Variants in TMEFF2 observed in about 807,000 individuals in gnomAD.
The protein encoded by TMEFF2 is transmembrane protein with EGF like and two follistatin like domains 2, also known as tomoregulin-2.
A neutral mutation model predicts 53.8 loss-of-function variants in TMEFF2; 28 were observed. The observed-to-expected ratio is 0.52, with a 90% CI of 0.39 to 0.71. The LOEUF (loss-of-function observed/expected upper bound fraction) is 0.71, where lower values mean the gene tolerates loss of function less well. TMEFF2 is among the 30% of genes least tolerant of loss of function. TMEFF2 has a pLI of 0.00. For synonymous variants in TMEFF2, 162 were observed against 166.3 expected, an observed-to-expected ratio of 0.97 and a Z score of 0.20; for missense variants, 353 against 455.2, an observed-to-expected ratio of 0.78 and a Z score of 2.04.
At chr2:192,081,834 C>T (rs1688561495) in intron 4 of TMEFF2, among the ~76,000 whole-genome samples, 1 of 144,270 alleles carries the variant, frequency 6.9e-6, no homozygotes, top group African/African-American at 2.6e-5. Context: ...TGGAGTCTCG[C>T]TCTGTCACCT....
intron 4 of TMEFF2, among the ~76,000 whole-genome samples, chr2:192,135,421 A>C (rs1689976247): frequency 6.6e-6 from 1 of 152,070 alleles, no homozygotes; most frequent in Non-Finnish European, 1.5e-5. Context: ...AATTCATACA[A>C]AACCGTATCC....
At chr2:192,122,309 C>G (rs1209882811) in intron 4 of TMEFF2, among the ~76,000 whole-genome samples, 2 of 152,130 alleles carry the variant, frequency 1.3e-5, no homozygotes, top group Admixed American at 6.6e-5. Context: ...AGGACTTACT[C>G]CAACAGGAAA....
intron 5 of TMEFF2, among the ~76,000 whole-genome samples, chr2:192,055,774 CAAAAA>C (rs71405038): frequency 2.4e-5 from 1 of 42,506 alleles, no homozygotes; most frequent in African/African-American, 8.1e-5. Flanking sequence ...GACTCCATCT[CAAAAA>C]AAAAAAAAAA....
chr2:191,964,194 C>G (rs1692348752), intron 7 of TMEFF2, among the ~76,000 whole-genome samples: 1 of 151,702 alleles, frequency 6.6e-6, no homozygotes, highest in Admixed American at 6.6e-5. Flanking sequence ...AATTTCCTTC[C>G]TTTCTCTTTC....
intron 5 of TMEFF2, among the ~76,000 whole-genome samples, chr2:192,006,841 G>A (rs1424810082): frequency 2.0e-5 from 3 of 152,130 alleles, no homozygotes; most frequent in East Asian, 3.8e-4. Context: ...CTAGGTAGTC[G>A]CTGTTGTCAA....
At chr2:192,078,028 A>C (rs1688473846) in intron 4 of TMEFF2, among the ~76,000 whole-genome samples, 1 of 152,124 alleles carries the variant, frequency 6.6e-6, no homozygotes, top group East Asian at 1.9e-4. Context: ...CTTTTTTTAA[A>C]AAGCAAAAAT....
chr2:192,011,755 A>G (rs1251713167), intron 5 of TMEFF2, among the ~76,000 whole-genome samples: 1 of 152,202 alleles, frequency 6.6e-6, no homozygotes, highest in Non-Finnish European at 1.5e-5. Flanking sequence ...CAATGTATAT[A>G]TTATATATAG....
At chr2:191,991,405 A>G (rs1442355598) in intron 7 of TMEFF2, among the ~76,000 whole-genome samples, 1 of 152,104 alleles carries the variant, frequency 6.6e-6, no homozygotes, top group African/African-American at 2.4e-5. Flanking sequence ...TTCAGACCAA[A>G]AGGAAAGTAA....
At chr2:192,167,847 A>G (rs1229704009) in intron 4 of TMEFF2, among the ~76,000 whole-genome samples, 3 of 152,144 alleles carry the variant, frequency 2.0e-5, no homozygotes, top group Admixed American at 2.0e-4. Flanking sequence ...CATAGTTAGC[A>G]ATTACTGGGA....
chr2:192,000,166 G>A lies in TMEFF2; in HGVS notation c.537-958C>T, dbSNP rs76248336. Reference sequence around the variant, plus strand: ...GGTGTATGTGTACAACCATGTTACAGCTTTAGAATATAAACTCATATTTTA... The same window carrying A: ...GGTGTATGTGTACAACCATGTTACAACTTTAGAATATAAACTCATATTTTA... On this transcript the variant is annotated intron_variant, in intron 5 of 9. Coordinates refer to ENST00000272771, the MANE Select transcript of TMEFF2 (RefSeq NM_016192.4). 2.1e-3 allele frequency among the ~76,000 whole-genome samples: 315 copies of A among 152,044 alleles called. 7 individuals carry two copies. In the East Asian group the frequency reaches 0.055, roughly 27 times the overall value.
intron 7 of TMEFF2, among the ~76,000 whole-genome samples, chr2:191,985,524 T>G (rs1178076350): frequency 1.3e-5 from 2 of 152,186 alleles, no homozygotes; most frequent in Non-Finnish European, 2.9e-5. Flanking sequence ...TAGTCTGTTT[T>G]CACAAGACAT....
intron 5 of TMEFF2, among the ~76,000 whole-genome samples, chr2:192,007,799 G>A (rs141872348): frequency 6.6e-6 from 1 of 152,240 alleles, no homozygotes; most frequent in African/African-American, 2.4e-5. Context: ...TAGGTATAGA[G>A]ACAAGGAAGG....
At chr2:192,064,269 T>C (rs1490019948) in intron 4 of TMEFF2, among the ~76,000 whole-genome samples, 1 of 151,788 alleles carries the variant, frequency 6.6e-6, no homozygotes, top group African/African-American at 2.4e-5. Flanking sequence ...TCATGAAAAA[T>C]TTACTAACTT....
At position 191,949,426 on chromosome 2, in the gene TMEFF2, C is replaced by CTATATACTA. The variant is rs1253306304; in HGVS notation, c.*876_*884dup. 1 of 985,262 alleles carries CTATATACTA rather than the reference C, an allele frequency of 1.0e-6. No individual in the cohort carries two copies. Among genetic ancestry groups the CTATATACTA allele is most frequent in the African/African-American group, 1.7e-5 (1 of 57,232 alleles). 61.0% of individuals were successfully genotyped at this position (985,262 alleles called of 1,614,324 possible). ...GTGATTCTAACTTCTTTTCAAAGAA[C>CTATATACTA]TATATACTATACATATTGTATGGTG... On this transcript the variant is annotated 3_prime_UTR_variant, in exon 10 of 10. Transcript: ENST00000272771.
chr2:191,949,210 C>CAA lies in TMEFF2; in HGVS notation c.*1099_*1100dup, dbSNP rs912233216. 2.0e-6 allele frequency: 2 copies of CAA among 985,260 alleles called. No individual in the cohort carries two copies. The highest frequency in any genetic ancestry group is 3.5e-5 in the African/African-American group (2 of 57,218). 61.0% of individuals were successfully genotyped at this position (985,260 alleles called of 1,614,324 possible). ...GTGATACCTATTTGTATGCACAAATCAAACAAAAATCCATACCAACTTCCC... is the reference window on the plus strand; with the variant it reads ...GTGATACCTATTTGTATGCACAAATCAAAAACAAAAATCCATACCAACTTCCC... On this transcript the variant is annotated 3_prime_UTR_variant, in exon 10 of 10. Transcript: ENST00000272771.
chr2:192,038,573 C>T (rs1331075468), intron 5 of TMEFF2, among the ~76,000 whole-genome samples: 2 of 151,952 alleles, frequency 1.3e-5, no homozygotes, highest in Admixed American at 6.6e-5. Flanking sequence ...TCACTGCAGC[C>T]TCTGCCTTCC....
rs533109969 is a variant in TMEFF2 at position 192,108,770 on chromosome 2, G to A, written c.440-50995C>T. Among the ~76,000 whole-genome samples, 77 of 151,962 alleles carry A rather than the reference G, an allele frequency of 5.1e-4. 1 individual carries two copies. The highest frequency in any genetic ancestry group is 3.0e-3 in the Admixed American group (45 of 15,234). On this transcript the variant is annotated intron_variant, in intron 4 of 9. Transcript: ENST00000272771. ...GCCAATATTCACAGCAGTGTTATTC[G>A]CAAAAGCCAAAAGGCAGAAACAACA...
intron 4 of TMEFF2, among the ~76,000 whole-genome samples, chr2:192,059,754 A>G (rs1349302127): frequency 6.6e-6 from 1 of 152,184 alleles, no homozygotes; most frequent in Non-Finnish European, 1.5e-5. Context: ...TAAAAGGGCA[A>G]TTATTGGTAA....
At chr2:191,964,333 C>CTTCTTTCTTTCTTTCTTTCCTTCTTTCT (rs1692371563) in intron 7 of TMEFF2, among the ~76,000 whole-genome samples, 1 of 71,494 alleles carries the variant, frequency 1.4e-5, no homozygotes, top group South Asian at 5.7e-4. Context: ...CCTTTCTTTC[C>CTTCTTTCTTTCTTTCTTTCCTTCTTTCT]TTCTTTCTTT....
Sources: allele counts gnomAD v4.1 joint callset (sites outside exome capture counted in the v4.1 genomes callset), GRCh38; gene constraint gnomAD v4.1.1; transcripts MANE v1.5; gene names NCBI Gene and HGNC (gene_info 2026-07-23, HGNC 2026-07-21).